TRIM32: variants seen among roughly 807,000 people sequenced by gnomAD.
The protein encoded by TRIM32 is tripartite motif containing 32.
Under a neutral mutation model 36.0 loss-of-function variants are expected in TRIM32, and 19 were observed. That is an observed-to-expected ratio of 0.53 (90% confidence interval 0.37 to 0.77). TRIM32 has a LOEUF of 0.77. Ranked by LOEUF, TRIM32 falls within the 30% of genes least tolerant of loss-of-function variation. The pLI is 0.00. For synonymous variants in TRIM32, 309 were observed against 318.5 expected (o/e 0.97, Z 0.32); for missense variants, 747 against 845.2 (o/e 0.88, Z 1.44).
chr9:116,689,402 T>C (rs1460645521), intron 1 of TRIM32, among the ~76,000 whole-genome samples: 2 of 152,220 alleles, frequency 1.3e-5, no homozygotes, highest in African/African-American at 4.8e-5. Context: ...TAGTAAGTTC[T>C]CAAAATCTAG....
Position 116,698,049 on chromosome 9 carries a change from T to G in TRIM32, c.307T>G (p.Cys103Gly), listed in dbSNP as rs780679942. The G allele has an allele frequency of 3.1e-6, 5 of 1,613,960 alleles. No homozygotes were observed. The highest frequency in any genetic ancestry group is 4.2e-6 in the Non-Finnish European group (5 of 1,180,022). ...EAVGLLMCRS[C>G]GRRLPRQFCR... ...TGTGGGGCTGCTCATGTGTCGGTCC[T>G]GTGGGCGGCGTCTGCCCCGGCAATT... Residue 103 changes from cysteine (C) to glycine (G), a missense_variant, in exon 2 of 2, where the codon TGT becomes GGT. Coordinates refer to ENST00000450136, the MANE Select transcript of TRIM32 (RefSeq NM_012210.4). The surrounding 1 kb of genome is among the most constrained non-coding windows in gnomAD (Gnocchi z 4.4).
chr9:116,699,320 C>G lies in TRIM32; in HGVS notation c.1578C>G (p.Thr526=), dbSNP rs778620127. The G allele has an allele frequency of 3.7e-6, 6 of 1,614,134 alleles. No individual in the cohort carries two copies. The South Asian group carries it at 5.5e-5, about 15-fold the overall frequency. Residue 526 remains threonine, a synonymous_variant, in exon 2 of 2, where the codon ACC becomes ACG. Transcript: ENST00000450136. The surrounding 1 kb of genome is among the most constrained non-coding windows in gnomAD (Gnocchi z 4.2). ...TTGTCACCTGTGATGCTGAGGGCAC[C>G]GTCTACTTCACCCAGGGCTTAGGCC... is the stretch of plus-strand genomic sequence containing the variant. The part of the protein sequence containing the change: ...PKFVTCDAEG[T]VYFTQGLGLN...
In TRIM32 at chr9:116,700,322, G is replaced by C. The variant is rs1233451271; in HGVS notation, c.*618G>C. ...GCAGTACCTCTCGCCTGGAGGATCT[G>C]TGCCATCTTGGATTGAGAATTGCAG... is the stretch of plus-strand genomic sequence containing the variant. On this transcript the variant is annotated 3_prime_UTR_variant, in exon 2 of 2. Coordinates refer to ENST00000450136, the MANE Select transcript of TRIM32 (RefSeq NM_012210.4). The C allele has an allele frequency of 5.9e-6, 1 of 168,310 alleles. No homozygotes were observed. Among genetic ancestry groups the C allele is most frequent in the African/African-American group, 2.4e-5 (1 of 41,458 alleles). 10.4% of individuals were successfully genotyped at this position (168,310 alleles called of 1,614,324 possible).
chr9:116,697,562 ATGAC>A, intron 1 of TRIM32, 96 bp from the exon 2 acceptor site: 1 of 746,190 alleles, frequency 1.3e-6, no homozygotes, highest in Non-Finnish European at 2.2e-6. Context: ...AAGTAAGGGA[ATGAC>A]TGAATGACTG....
chr9:116,698,755 C>T lies in TRIM32; in HGVS notation c.1013C>T (p.Ala338Val). 6.2e-7 allele frequency: 1 copy of T among 1,614,202 alleles called. No individual in the cohort carries two copies. Among genetic ancestry groups the T allele is most frequent in the Non-Finnish European group, 8.5e-7 (1 of 1,180,044 alleles). Residue 338 changes from alanine to valine, a missense_variant, in exon 2 of 2, where the codon GCC becomes GTC. Coordinates refer to ENST00000450136, the MANE Select transcript of TRIM32 (RefSeq NM_012210.4). This position sits in a 1 kb window ranked among gnomAD's most constrained non-coding sequence, Gnocchi z 4.4. ...SPEEVVASPR[A>V]SPAKQRGPEA... Reference sequence around the variant, plus strand: ...GAGGAAGTGGTTGCCAGCCCTAGGGCCTCACCTGCTAAACAGCGGGGTCCT... The same window carrying T: ...GAGGAAGTGGTTGCCAGCCCTAGGGTCTCACCTGCTAAACAGCGGGGTCCT...
At chr9:116,697,355 ATTAC>A (rs1242508089) in intron 1 of TRIM32, 2 of 272,874 alleles carry the variant, frequency 7.3e-6, no homozygotes, top group East Asian at 1.7e-4. Flanking sequence ...AGACACCATT[ATTAC>A]TTCTATTTTA....
chr9:116,699,383 G>A lies in TRIM32; in HGVS notation c.1641G>A (p.Glu547=). The A allele has an allele frequency of 6.2e-7, 1 of 1,614,196 alleles. No homozygotes were observed. The highest frequency in any genetic ancestry group is 8.5e-7 in the Non-Finnish European group (1 of 1,180,042). Residue 547 remains glutamate (E), a synonymous_variant, in exon 2 of 2, where the codon GAG becomes GAA. Coordinates refer to ENST00000450136, the MANE Select transcript of TRIM32 (RefSeq NM_012210.4). This position sits in a 1 kb window ranked among gnomAD's most constrained non-coding sequence, Gnocchi z 4.2. ...LENRQNEHHL[E]GGFSIGSVGP... ...ATCGGCAGAATGAGCACCACCTGGA[G>A]GGTGGCTTTTCCATTGGCTCTGTAG... is the stretch of plus-strand genomic sequence containing the variant.
intron 1 of TRIM32, among the ~76,000 whole-genome samples, chr9:116,692,308 A>G: frequency 6.6e-6 from 1 of 152,162 alleles, no homozygotes; most frequent in Non-Finnish European, 1.5e-5. Context: ...AGGTTTATGT[A>G]TCTGGGGCCT....
rs1235767637 is a variant in TRIM32, at chr9:116,701,040, T to C, written c.*1336T>C. On this transcript the variant is annotated 3_prime_UTR_variant, in exon 2 of 2. Transcript: ENST00000450136. ...TAATTACAGTTCACAAAAAGGAAGT[T>C]AGTCTTGTTTTTAAGATCAGAAGTG... 2 of 167,072 alleles carry C rather than the reference T, an allele frequency of 1.2e-5. No homozygotes were observed. The highest frequency in any genetic ancestry group is 2.4e-5 in the African/African-American group (1 of 41,440). 10.3% of individuals were successfully genotyped at this position (167,072 alleles called of 1,614,324 possible).
Position 116,698,749 on chromosome 9 carries a change from C to G in TRIM32, c.1007C>G (p.Pro336Arg), listed in dbSNP as rs1415470984. 6.2e-7 allele frequency: 1 copy of G among 1,614,172 alleles called. No individual in the cohort carries two copies. The highest frequency in any genetic ancestry group is 8.5e-7 in the Non-Finnish European group (1 of 1,180,024). The change falls in exon 2 of 2, where the codon CCT (proline) becomes CGT (arginine). Residue 336 changes from proline (P) to arginine (R), a missense_variant. Physicochemically the swap from Pro to Arg is moderately radical, Grantham distance 103. Transcript: ENST00000450136. The surrounding 1 kb of genome is among the most constrained non-coding windows in gnomAD (Gnocchi z 4.4). ...AGCCCGGAGGAAGTGGTTGCCAGCCCTAGGGCCTCACCTGCTAAACAGCGG... is the reference window on the plus strand; with the variant it reads ...AGCCCGGAGGAAGTGGTTGCCAGCCGTAGGGCCTCACCTGCTAAACAGCGG... ...DMSPEEVVAS[P>R]RASPAKQRGP...
At chr9:116,691,630 T>C (rs926390401) in intron 1 of TRIM32, among the ~76,000 whole-genome samples, 2 of 152,232 alleles carry the variant, frequency 1.3e-5, no homozygotes, top group African/African-American at 4.8e-5. Context: ...TGTGTTTCCC[T>C]ATAAGCCCCT....
At chr9:116,690,867 AGT>A (rs1860531818) in intron 1 of TRIM32, among the ~76,000 whole-genome samples, 1 of 152,190 alleles carries the variant, frequency 6.6e-6, no homozygotes, top group Non-Finnish European at 1.5e-5. Flanking sequence ...TTGCTTTAAG[AGT>A]GTTAGCAATT....
intron 1 of TRIM32, among the ~76,000 whole-genome samples, chr9:116,694,618 G>A (rs1308693399): frequency 1.0e-4 from 14 of 137,486 alleles, no homozygotes; most frequent in African/African-American, 2.8e-4. Flanking sequence ...CTGCCACCAC[G>A]CCCAGCTAAT....
rs1429357380 is a variant in TRIM32, at chr9:116,699,166, TCA to T, written c.1427_1428del (p.Thr476SerfsTer23). Reference sequence around the variant, plus strand: ...AGCCAGCTGAGCAAACCATGGGGTATCACAGCCTTGCCATCTGGCCAGTTTGT... The same window carrying T: ...AGCCAGCTGAGCAAACCATGGGGTATCAGCCTTGCCATCTGGCCAGTTTGT... On this transcript the variant is annotated frameshift_variant, in exon 2 of 2. Transcript: ENST00000450136. LOFTEE classifies it high-confidence loss of function. This position sits in a 1 kb window ranked among gnomAD's most constrained non-coding sequence, Gnocchi z 4.2. 1 of 1,614,232 alleles carries T rather than the reference TCA, an allele frequency of 6.2e-7. No homozygotes were observed. The highest frequency in any genetic ancestry group is 8.5e-7 in the Non-Finnish European group (1 of 1,180,040).
At position 116,698,297 on chromosome 9, in the gene TRIM32, C is replaced by G. The variant is rs757526804; in HGVS notation, c.555C>G (p.Leu185=). ...KDLQARYKAV[L]QEYGHEERRV... ...TTCAGGCAAGGTATAAAGCAGTTCT[C>G]CAGGAGTATGGGCATGAGGAGCGCA... Residue 185 remains leucine, a synonymous_variant, in exon 2 of 2, where the codon CTC becomes CTG. Coordinates refer to ENST00000450136, the MANE Select transcript of TRIM32 (RefSeq NM_012210.4). This position sits in a 1 kb window ranked among gnomAD's most constrained non-coding sequence, Gnocchi z 4.4. 3 of 1,614,118 alleles carry G rather than the reference C, an allele frequency of 1.9e-6. No homozygotes were observed. The highest frequency in any genetic ancestry group is 3.3e-5 in the Admixed American group (2 of 60,018).
At chr9:116,692,961 G>C (rs1860647494) in intron 1 of TRIM32, among the ~76,000 whole-genome samples, 1 of 152,066 alleles carries the variant, frequency 6.6e-6, no homozygotes, top group South Asian at 2.1e-4. Context: ...TTACCCATCA[G>C]TTTTTAGCCT....
rs767176438 is a variant in TRIM32 at position 116,699,018 on chromosome 9, C to A, written c.1276C>A (p.Leu426Ile). The A allele has an allele frequency of 6.2e-7, 1 of 1,614,162 alleles. No homozygotes were observed. The highest frequency in any genetic ancestry group is 2.2e-5 in the East Asian group (1 of 44,852). Residue 426 changes from leucine (L) to isoleucine (I), a missense_variant, in exon 2 of 2, where the codon CTA becomes ATA. Leu to Ile is a conservative substitution (Grantham distance 5). Coordinates refer to ENST00000450136, the MANE Select transcript of TRIM32 (RefSeq NM_012210.4). This position sits in a 1 kb window ranked among gnomAD's most constrained non-coding sequence, Gnocchi z 4.2. Reference protein sequence around the residue: ...SFVLSFLGADLPNLTPLSVAM... With the variant: ...SFVLSFLGADIPNLTPLSVAM... ...TGTGCTAAGCTTCCTTGGGGCAGAT[C>A]TACCCAACCTCACTCCTCTCTCAGT...
In TRIM32 at chr9:116,699,433, A is replaced by G; in HGVS notation, c.1691A>G (p.Gln564Arg). 1.2e-6 allele frequency: 2 copies of G among 1,614,148 alleles called. No individual in the cohort carries two copies. The highest frequency in any genetic ancestry group is 1.7e-6 in the Non-Finnish European group (2 of 1,180,014). The stretch of plus-strand genomic sequence containing the variant: ...GGCCCTGATGGGCAGCTGGGTCGCC[A>G]GATTAGCCACTTCTTCTCGGAGAAT... ...SVGPDGQLGR[Q>R]ISHFFSENED... The change falls in exon 2 of 2, where the codon CAG becomes CGG. Residue 564 changes from glutamine to arginine, a missense_variant. Physicochemically the swap from Gln to Arg is conservative, Grantham distance 43. Transcript: ENST00000450136. The surrounding 1 kb of genome is among the most constrained non-coding windows in gnomAD (Gnocchi z 4.2).
intron 1 of TRIM32, among the ~76,000 whole-genome samples, chr9:116,694,162 A>T (rs1009436429): frequency 6.6e-6 from 1 of 152,150 alleles, no homozygotes; most frequent in African/African-American, 2.4e-5. Context: ...TCATTTTTTT[A>T]AACCTGATGT....
Sources: gnomAD v4.1 joint callset for allele counts (sites outside exome capture counted in the v4.1 genomes callset) on GRCh38, gnomAD v4.1.1 for gene constraint, Gnocchi (gnomAD v3.1) non-coding constraint, MANE v1.5 for transcripts, NCBI Gene and HGNC (gene_info 2026-07-23, HGNC 2026-07-21) for gene names.